SASH1: variants seen among roughly 807,000 people sequenced by gnomAD.
SASH1 encodes the protein SAM and SH3 domain containing 1.
Under a neutral mutation model 125.2 loss-of-function variants are expected in SASH1, and 44 were observed. The observed-to-expected ratio is 0.35, with a 90% CI of 0.28 to 0.45. The LOEUF is 0.45. Among genes scored for constraint, SASH1 ranks in the 20% least tolerant of loss-of-function variants. The pLI, the probability that SASH1 is intolerant of heterozygous loss-of-function variation, is 1.00. For missense variants in SASH1, 1,426 were observed against 1,614.5 expected (o/e 0.88, Z 2.00); for synonymous variants, 639 against 649.1 (o/e 0.98, Z 0.24).
intron 4 of SASH1, among the ~76,000 whole-genome samples, chr6:148,447,669 G>T (rs1776858702): frequency 8.9e-6 from 1 of 112,022 alleles, no homozygotes; most frequent in Admixed American, 8.9e-5. Flanking sequence ...TCTTCCTCTT[G>T]TTCTTCCTCC....
chr6:148,437,614 C>T (rs1378150062), intron 2 of SASH1, among the ~76,000 whole-genome samples: 1 of 152,190 alleles, frequency 6.6e-6, no homozygotes, highest in Non-Finnish European at 1.5e-5. Context: ...ACTTGGGAGG[C>T]TGAGGAATGG....
intron 1 of SASH1, among the ~76,000 whole-genome samples, chr6:148,353,729 C>G (rs1383771335): frequency 1.3e-5 from 2 of 152,116 alleles, no homozygotes; most frequent in Non-Finnish European, 2.9e-5. Context: ...GCCACCATAC[C>G]TGACCAATTG....
chr6:148,261,287 C>T, the SASH1 span, among the ~76,000 whole-genome samples: 1 of 152,138 alleles, frequency 6.6e-6, no homozygotes, highest in East Asian at 1.9e-4. Context: ...AGTGGCTGTA[C>T]CACCCAAGCT....
chr6:148,390,156 A>C lies in SASH1; in HGVS notation c.179A>C (p.Asp60Ala). The C allele has an allele frequency of 6.2e-7, 1 of 1,613,568 alleles. No individual in the cohort carries two copies. The highest frequency in any genetic ancestry group is 8.5e-7 in the Non-Finnish European group (1 of 1,179,738). The change falls in exon 2 of 20, where the codon GAT becomes GCT. Residue 60 changes from aspartate (D) to alanine (A), a missense_variant. Physicochemically the swap from Asp to Ala is moderately radical, Grantham distance 126. This residue lies in a region of SASH1 where 567 missense variants were observed against 575.6 expected (regional missense o/e 0.99). Coordinates refer to ENST00000367467, the MANE Select transcript of SASH1 (RefSeq NM_015278.5). Reference sequence around the variant, plus strand: ...CAGGACGGTTCACTGGGAAACATCGATGACCTGGCGCAGCAGTATGCAGAT... The same window carrying C: ...CAGGACGGTTCACTGGGAAACATCGCTGACCTGGCGCAGCAGTATGCAGAT... ...GILDGSLGNIDDLAQQYADYY... is the reference protein window; with the variant it reads ...GILDGSLGNIADLAQQYADYY...
Position 148,544,938 on chromosome 6 carries a change from C to T in SASH1, c.3348+120C>T, listed in dbSNP as rs1782469827. The T allele has an allele frequency of 3.3e-6, 3 of 905,366 alleles. No individual in the cohort carries two copies. The highest frequency in any genetic ancestry group is 4.9e-6 in the Non-Finnish European group (3 of 611,866). 56.1% of individuals were successfully genotyped at this position (905,366 alleles called of 1,614,324 possible). ...TAGCCCGCCCAGTGGACAGGAGACA[C>T]CTGAATCCACGTGTCCACACCTTAC... On this transcript the variant is annotated intron_variant, in intron 18 of 19. Coordinates refer to ENST00000367467, the MANE Select transcript of SASH1 (RefSeq NM_015278.5). This position sits in a 1 kb window ranked among gnomAD's most constrained non-coding sequence, Gnocchi z 6.4.
intron 2 of SASH1, among the ~76,000 whole-genome samples, chr6:148,424,504 C>A (rs902699375): frequency 1.3e-5 from 2 of 151,820 alleles, no homozygotes; most frequent in African/African-American, 4.8e-5. Flanking sequence ...GGGTTACAGG[C>A]GTGAGCCACC....
At chr6:148,474,258 A>G (rs1778244335) in intron 7 of SASH1, 36 bp downstream of exon 7, 7 of 1,345,626 alleles carry the variant, frequency 5.2e-6, no homozygotes, top group South Asian at 2.5e-5. Flanking sequence ...ATTTGTGAGG[A>G]CTTGACTTTC....
At chr6:148,410,240 A>G (rs1784567511) in intron 2 of SASH1, among the ~76,000 whole-genome samples, 1 of 149,096 alleles carries the variant, frequency 6.7e-6, no homozygotes, top group Non-Finnish European at 1.5e-5. Context: ...CCTCGTGAGT[A>G]GCTGAGATTA....
chr6:148,445,167 C>T (rs1448114476), intron 4 of SASH1, among the ~76,000 whole-genome samples: 4 of 152,180 alleles, frequency 2.6e-5, no homozygotes, highest in Non-Finnish European at 4.4e-5. Context: ...TTTACTGCAT[C>T]CTGTTTTATC....
At chr6:148,414,631 T>C (rs1429408254) in intron 2 of SASH1, among the ~76,000 whole-genome samples, 1 of 152,216 alleles carries the variant, frequency 6.6e-6, no homozygotes, top group Admixed American at 6.5e-5. Context: ...GGGAAGTGGG[T>C]AGTGTCTGCT....
At chr6:148,540,081 T>C (rs902846803) in intron 16 of SASH1, among the ~76,000 whole-genome samples, 1 of 152,194 alleles carries the variant, frequency 6.6e-6, no homozygotes, top group African/African-American at 2.4e-5. Context: ...CTTTCTTTGC[T>C]TCTCCTTGAT....
chr6:148,350,756 C>G (rs190358237), intron 1 of SASH1, among the ~76,000 whole-genome samples: 71 of 152,332 alleles, frequency 4.7e-4, no homozygotes, highest in African/African-American at 1.7e-3. Flanking sequence ...CTCTCACTAT[C>G]AGTGATACCA....
rs191507510 is a variant in SASH1, at chr6:148,490,029, A to G, written c.729+2314A>G. On this transcript the variant is annotated intron_variant, in intron 8 of 19. Coordinates refer to ENST00000367467, the MANE Select transcript of SASH1 (RefSeq NM_015278.5). Reference sequence around the variant, plus strand: ...TCCTGTCTTTAAAAAAAAAAAAAAAAAAAACAAGAAAACAAGATCATGTCT... The same window carrying G: ...TCCTGTCTTTAAAAAAAAAAAAAAAGAAAACAAGAAAACAAGATCATGTCT... 5.1e-3 allele frequency among the ~76,000 whole-genome samples: 746 copies of G among 145,068 alleles called. 6 individuals carry two copies. The highest frequency in any genetic ancestry group is 9.1e-3 in the Non-Finnish European group (608 of 66,522).
chr6:148,448,726 T>G lies in SASH1; in HGVS notation c.386+8319T>G, dbSNP rs149821481. Among the ~76,000 whole-genome samples, 64 of 152,310 alleles carry G rather than the reference T, an allele frequency of 4.2e-4. 1 individual carries two copies. In the East Asian group the frequency reaches 0.012, roughly 29 times the overall value. Reference sequence around the variant, plus strand: ...TAGATTTAACTCTCTCGCTCTGACCTTTGCAATCTGGTGGCCTGCCTATTA... The same window carrying G: ...TAGATTTAACTCTCTCGCTCTGACCGTTGCAATCTGGTGGCCTGCCTATTA... On this transcript the variant is annotated intron_variant, in intron 4 of 19. Transcript: ENST00000367467.
chr6:148,307,650 A>G (rs1780181188), intron 1 of SASH1, among the ~76,000 whole-genome samples: 1 of 152,074 alleles, frequency 6.6e-6, no homozygotes, highest in African/African-American at 2.4e-5. Context: ...CTAAGAATCC[A>G]GCCCTACCAG....
At chr6:148,246,741 A>C in the SASH1 span, among the ~76,000 whole-genome samples, 9 of 152,250 alleles carry the variant, frequency 5.9e-5, no homozygotes, top group Non-Finnish European at 1.0e-4. Context: ...CCTCCAAAAT[A>C]TTATGAATAC....
Position 148,317,414 on chromosome 6 carries a change from G to A in SASH1, n.74+45037G>A, listed in dbSNP as rs554058787. Among the ~76,000 whole-genome samples the A allele has an allele frequency of 7.2e-5, 11 of 152,258 alleles. No homozygotes were observed. The South Asian group carries it at 2.1e-3, about 29-fold the overall frequency. On this transcript the variant is annotated intron_variant and non_coding_transcript_variant, in intron 1 of 3. Coordinates refer to the SASH1 transcript ENST00000367469. Reference sequence around the variant, plus strand: ...TATTTAGGAGGTTTGAGAAAATATTGAGGAAAAAAATTTTTTTTGTTGTTT... The same window carrying A: ...TATTTAGGAGGTTTGAGAAAATATTAAGGAAAAAAATTTTTTTTGTTGTTT...
rs764885903 is a variant in SASH1, at chr6:148,543,701, T to G, written c.2231T>G (p.Leu744Arg). Residue 744 changes from leucine (L) to arginine (R), a missense_variant, in exon 18 of 20, where the codon CTC (leucine) becomes CGC (arginine). By Grantham distance (102) the Leu-to-Arg change is moderately radical. Transcript: ENST00000367467. ...LENGKTRKAS[L>R]LSAKSSTEPS... ...ACAGGCAAGACTCGGAAAGCTAGCC[T>G]CCTATCTGCCAAGTCATCCACCGAG... 6.5e-7 allele frequency: 1 copy of G among 1,544,814 alleles called. No homozygotes were observed. Among genetic ancestry groups the G allele is most frequent in the Non-Finnish European group, 8.7e-7 (1 of 1,146,060 alleles).
the SASH1 span, among the ~76,000 whole-genome samples, chr6:148,247,033 G>T: frequency 5.3e-5 from 8 of 152,166 alleles, no homozygotes; most frequent in African/African-American, 2.4e-5. Context: ...AGAAGGCCAA[G>T]GGCGATGGAA....
Sources: allele counts gnomAD v4.1 joint callset (sites outside exome capture counted in the v4.1 genomes callset), GRCh38; gene constraint gnomAD v4.1.1; regional missense constraint gnomAD v4.1.1; non-coding constraint Gnocchi (gnomAD v3.1); transcripts MANE v1.5; gene names NCBI Gene and HGNC (gene_info 2026-07-23, HGNC 2026-07-21).